The following SMIM27 variants were observed in gnomAD, a reference collection of about 807,000 sequenced individuals.
SMIM27 encodes transition zone microprotein 1.
A neutral mutation model predicts 1.8 loss-of-function variants in SMIM27; 3 were observed. The observed-to-expected ratio is 1.65, with a 90% CI of 0.75 to 4.28. SMIM27 has a LOEUF of 4.28. Ranked by LOEUF, SMIM27 falls within the 30% of genes most tolerant of loss-of-function variation. The pLI is 0.02. For synonymous variants in SMIM27, 19 were observed against 13.9 expected (o/e 1.37, Z -0.82); for missense variants, 63 against 37.0 (o/e 1.70, Z -1.83).
At position 32,552,859 on chromosome 9, in the gene SMIM27, C is replaced by T; in HGVS notation, c.104C>T (p.Ser35Phe). The change falls in exon 2 of 2, where the codon TCT (serine) becomes TTT (phenylalanine). Residue 35 changes from serine (S) to phenylalanine (F), a missense_variant. Transcript: ENST00000692500. ...WGCIIYASMV[S>F]ARRQLRKKYP... ...TGCATCATCTATGCTTCGATGGTGTCTGCAAGACGACAGCTAAGGAAGAAA... is the reference window on the plus strand; with the variant it reads ...TGCATCATCTATGCTTCGATGGTGTTTGCAAGACGACAGCTAAGGAAGAAA... 1 of 702,722 alleles carries T rather than the reference C, an allele frequency of 1.4e-6. No individual in the cohort carries two copies. The allele number at this position is 702,722 out of a possible 1,614,324, so 43.5% of individuals were successfully genotyped here.
At chr9:32,564,643 T>C (rs1821726590) in intron 1 of SMIM27, among the ~76,000 whole-genome samples, 1 of 152,264 alleles carries the variant, frequency 6.6e-6, no homozygotes, top group South Asian at 2.1e-4. Context: ...TCCCCCAGGA[T>C]TACTGCTGTT....
downstream of SMIM27, among the ~76,000 whole-genome samples, chr9:32,555,862 G>T (rs184374416): frequency 5.9e-4 from 90 of 152,330 alleles, no homozygotes; most frequent in African/African-American, 2.0e-3. Flanking sequence ...AACAAAATCA[G>T]TGCCCATTCA....
chr9:32,557,004 A>G (rs1375309077), downstream of SMIM27, among the ~76,000 whole-genome samples: 1 of 150,314 alleles, frequency 6.7e-6, no homozygotes, highest in Non-Finnish European at 1.5e-5. Context: ...GGCGTGCACC[A>G]CCATGCCCAG....
intron 1 of SMIM27, among the ~76,000 whole-genome samples, chr9:32,563,720 T>C (rs771499606): frequency 5.3e-5 from 8 of 152,204 alleles, no homozygotes; most frequent in South Asian, 2.1e-4. Flanking sequence ...CAGCAAATTA[T>C]TGCATCAAAA....
chr9:32,565,420 C>A (rs1269467268), intron 1 of SMIM27: 1 of 152,208 alleles, frequency 6.6e-6, no homozygotes, highest in African/African-American at 2.4e-5. Context: ...GATGGAGCTG[C>A]CCATTTGCCA....
chr9:32,563,357 G>C (rs567815923), intron 1 of SMIM27, among the ~76,000 whole-genome samples: 3 of 151,600 alleles, frequency 2.0e-5, no homozygotes, highest in African/African-American at 4.8e-5. Flanking sequence ...TTTTGATTCA[G>C]ATGGGAGTCT....
downstream of SMIM27, among the ~76,000 whole-genome samples, chr9:32,556,815 T>C (rs1821467403): frequency 6.7e-6 from 1 of 150,006 alleles, no homozygotes; most frequent in Non-Finnish European, 1.5e-5. Flanking sequence ...ACATCAATGT[T>C]ACACAATAAA....
At chr9:32,559,931 A>G (rs754954956) in intron 1 of SMIM27, among the ~76,000 whole-genome samples, 2 of 152,204 alleles carry the variant, frequency 1.3e-5, no homozygotes, top group Non-Finnish European at 2.9e-5. Flanking sequence ...TGTTGAATAC[A>G]TGTACTTTTT....
chr9:32,552,321 G>A (rs761671359), upstream of SMIM27: 23 of 1,461,356 alleles, frequency 1.6e-5, no homozygotes, highest in South Asian at 2.4e-4. Flanking sequence ...GAGTGGGCGG[G>A]CGCTCGTGCC....
At chr9:32,559,452 T>C (rs1228597994) in intron 1 of SMIM27, among the ~76,000 whole-genome samples, 1 of 152,228 alleles carries the variant, frequency 6.6e-6, no homozygotes, top group Admixed American at 6.5e-5. Context: ...TCTTTTAAGA[T>C]ATGTCACTCT....
chr9:32,551,275 G>C (rs1821252218), upstream of SMIM27: 1 of 541,996 alleles, frequency 1.8e-6, no homozygotes, highest in Non-Finnish European at 3.3e-6. Context: ...GTTCGATGTC[G>C]TTTCAACCTT....
chr9:32,560,493 T>A (rs1399592629), intron 1 of SMIM27, among the ~76,000 whole-genome samples: 1 of 152,214 alleles, frequency 6.6e-6, no homozygotes, highest in Non-Finnish European at 1.5e-5. Flanking sequence ...TCTGAAAACA[T>A]TGCTACATTC....
intron 1 of SMIM27, among the ~76,000 whole-genome samples, chr9:32,560,403 A>G (rs1821592287): frequency 6.6e-6 from 1 of 152,212 alleles, no homozygotes; most frequent in African/African-American, 2.4e-5. Context: ...TCGATCCCAG[A>G]AAAATGTAGT....
At chr9:32,564,836 C>T (rs1821732435) in intron 1 of SMIM27, among the ~76,000 whole-genome samples, 1 of 152,218 alleles carries the variant, frequency 6.6e-6, no homozygotes, top group Non-Finnish European at 1.5e-5. Flanking sequence ...AAGCTTGAAA[C>T]TACAACATCC....
chr9:32,557,781 C>A (rs1233381140), downstream of SMIM27, among the ~76,000 whole-genome samples: 2 of 151,956 alleles, frequency 1.3e-5, no homozygotes, highest in Admixed American at 1.3e-4. Context: ...CTGGCCCCTC[C>A]CCCAACTATT....
downstream of SMIM27, among the ~76,000 whole-genome samples, chr9:32,555,890 G>A (rs187512901): frequency 1.1e-3 from 169 of 152,284 alleles, 1 homozygote; most frequent in African/African-American, 3.8e-3. Context: ...TCTCACACAC[G>A]GGTTAGGAGT....
upstream of SMIM27, chr9:32,552,178 A>C (rs1195486584): frequency 8.3e-6 from 3 of 360,556 alleles, no homozygotes; most frequent in Non-Finnish European, 5.1e-6. Flanking sequence ...AGTTGGCAAA[A>C]AAAAAAAAAA....
At chr9:32,563,491 C>CATTTTTTTTTTTTTTT (rs1821688276) in intron 1 of SMIM27, among the ~76,000 whole-genome samples, 1 of 92,004 alleles carries the variant, frequency 1.1e-5, no homozygotes, top group African/African-American at 4.4e-5. Flanking sequence ...GACTATTGGG[C>CATTTTTTTTTTTTTTT]TTTTTTTTTT....
intron 1 of SMIM27, among the ~76,000 whole-genome samples, chr9:32,562,982 T>A (rs1821669646): frequency 6.6e-6 from 1 of 152,240 alleles, no homozygotes; most frequent in Non-Finnish European, 1.5e-5. Context: ...AAAGCTGTTC[T>A]TTAACATTCA....
Sources: gnomAD v4.1 joint callset for allele counts (sites outside exome capture counted in the v4.1 genomes callset) on GRCh38, gnomAD v4.1.1 for gene constraint, MANE v1.5 for transcripts, NCBI Gene and HGNC (gene_info 2026-07-23, HGNC 2026-07-21) for gene names.